The following ZNF366 variants were observed in gnomAD, a reference collection of about 807,000 sequenced individuals.
ZNF366 encodes dendritic cell-specific transcript protein.
ZNF366 carries 20 observed loss-of-function variants against 47.2 expected under a neutral mutation model. The observed-to-expected ratio is 0.42, with a 90% CI of 0.30 to 0.62. ZNF366 has a LOEUF of 0.62. Ranked by LOEUF, ZNF366 falls within the 20% of genes least tolerant of loss-of-function variation. The pLI, the probability that ZNF366 is intolerant of heterozygous loss-of-function variation, is 0.16. For missense variants in ZNF366, 987 were observed against 976.3 expected, an observed-to-expected ratio of 1.01 and a Z score of -0.15; for synonymous variants, 421 against 395.1, an observed-to-expected ratio of 1.07 and a Z score of -0.78.
chr5:72,479,382 G>C lies in ZNF366; in HGVS notation c.-14-17872C>G, dbSNP rs192520030. ...GTTTGAGACCAGCCTGGGCAACATA[G>C]GGAGACACTGTCTCTATTTATTAAA... On this transcript the variant is annotated intron_variant, in intron 1 of 4. Coordinates refer to ENST00000318442, the MANE Select transcript of ZNF366 (RefSeq NM_152625.3). 2.6e-5 allele frequency among the ~76,000 whole-genome samples: 4 copies of C among 151,654 alleles called. No homozygotes were observed. In the East Asian group the frequency reaches 7.8e-4, roughly 29 times the overall value.
intron 1 of ZNF366, among the ~76,000 whole-genome samples, chr5:72,487,878 C>G (rs1261033891): frequency 6.6e-6 from 1 of 152,096 alleles, no homozygotes; most frequent in Non-Finnish European, 1.5e-5. Flanking sequence ...ATATTTTTCT[C>G]CCCCATTAGA....
intron 3 of ZNF366, among the ~76,000 whole-genome samples, chr5:72,450,443 T>A (rs562531365): frequency 6.6e-6 from 1 of 152,292 alleles, no homozygotes; most frequent in East Asian, 1.9e-4. Flanking sequence ...TGCAGCCAAC[T>A]CAGTATCAAG....
chr5:72,461,254 G>T lies in ZNF366; in HGVS notation c.243C>A (p.Ser81Arg). Residue 81 changes from serine (S) to arginine (R), a missense_variant, in exon 2 of 5, where the codon AGC becomes AGA. By Grantham distance (110) the Ser-to-Arg change is moderately radical. Around this residue, in one of 3 missense-constraint regions of ZNF366, gnomAD observed 591 missense variants for 560.9 expected, o/e 1.05. Coordinates refer to ENST00000318442, the MANE Select transcript of ZNF366 (RefSeq NM_152625.3). ...GGTTATAGGGCATCTTTGTGGGCAT[G>T]CTCTTCCGTTTCCTAGACCCTGCTC... ...FEGAGSRKRK[S>R]MPTKMPYNHP... is the part of the protein sequence containing the mutation. 6.2e-7 allele frequency: 1 copy of T among 1,614,166 alleles called. No homozygotes were observed. The highest frequency in any genetic ancestry group is 8.5e-7 in the Non-Finnish European group (1 of 1,180,026).
chr5:72,501,939 C>G (rs933886183), intron 1 of ZNF366, among the ~76,000 whole-genome samples: 1 of 152,202 alleles, frequency 6.6e-6, no homozygotes, highest in East Asian at 1.9e-4. Flanking sequence ...ATGCACACAA[C>G]AGCAGAACAA....
chr5:72,467,817 T>G (rs1164071232), intron 1 of ZNF366, among the ~76,000 whole-genome samples: 1 of 152,146 alleles, frequency 6.6e-6, no homozygotes, highest in African/African-American at 2.4e-5. Context: ...GCAGTTTACT[T>G]ATGTGATGTA....
chr5:72,457,469 A>C (rs1403674885), intron 2 of ZNF366, among the ~76,000 whole-genome samples: 1 of 152,254 alleles, frequency 6.6e-6, no homozygotes, highest in African/African-American at 2.4e-5. Flanking sequence ...GAAGGTTATC[A>C]TAGGATTAGA....
At chr5:72,501,414 T>C (rs1744207908) in intron 1 of ZNF366, among the ~76,000 whole-genome samples, 1 of 152,232 alleles carries the variant, frequency 6.6e-6, no homozygotes, top group Non-Finnish European at 1.5e-5. Context: ...CCCAATGTTG[T>C]TAAATGTAAA....
chr5:72,503,485 A>G (rs28575551), intron 1 of ZNF366, among the ~76,000 whole-genome samples: 27,866 of 152,070 alleles, frequency 0.18, 2,753 homozygotes, highest in East Asian at 0.38. Flanking sequence ...CATGAAGTGG[A>G]CAGGGCAGGA....
intron 3 of ZNF366, among the ~76,000 whole-genome samples, chr5:72,449,619 A>G (rs1743024727): frequency 6.6e-6 from 1 of 152,198 alleles, no homozygotes; most frequent in East Asian, 1.9e-4. Flanking sequence ...CCTCATTTGG[A>G]TTGTGGGATG....
intron 1 of ZNF366, among the ~76,000 whole-genome samples, chr5:72,497,971 T>C (rs574199373): frequency 6.6e-6 from 1 of 152,324 alleles, no homozygotes; most frequent in East Asian, 1.9e-4. Context: ...TTGTGATACA[T>C]GTTGCAAATG....
In ZNF366 at chr5:72,441,457, T is replaced by G. The variant is rs993930675; in HGVS notation, c.*2299A>C. The G allele has an allele frequency of 3.9e-5, 6 of 152,212 alleles. No homozygotes were observed. The highest frequency in any genetic ancestry group is 1.4e-4 in the African/African-American group (6 of 41,442). 9.4% of individuals were successfully genotyped at this position (152,212 alleles called of 1,614,324 possible). A position where few individuals can be genotyped will look rare whatever the true frequency, so the allele number is the denominator to read the frequency against. ...GGAAGGGACTTGCCCCTCTGAGGAC[T>G]TGGAATGGGTTTTTGACCCAGAGTT... On this transcript the variant is annotated 3_prime_UTR_variant, in exon 5 of 5. Coordinates refer to ENST00000318442, the MANE Select transcript of ZNF366 (RefSeq NM_152625.3).
chr5:72,486,762 CTT>C (rs1040107606), intron 1 of ZNF366, among the ~76,000 whole-genome samples: 1 of 151,934 alleles, frequency 6.6e-6, no homozygotes, highest in Admixed American at 6.6e-5. Flanking sequence ...TGGCTTATAT[CTT>C]TGTTCTTTTA....
chr5:72,478,359 T>C (rs1197106430), intron 1 of ZNF366, among the ~76,000 whole-genome samples: 1 of 148,884 alleles, frequency 6.7e-6, no homozygotes, highest in Non-Finnish European at 1.5e-5. Context: ...CATTGTATCA[T>C]TTAATCCCTG....
chr5:72,444,363 A>G, intron 4 of ZNF366, 72 bp from the exon 5 acceptor site: 1 of 1,512,096 alleles, frequency 6.6e-7, no homozygotes, highest in South Asian at 1.3e-5. Flanking sequence ...GAAGGGGAGC[A>G]GCCCGGGGCC....
At chr5:72,492,525 A>G (rs1744033663) in intron 1 of ZNF366, among the ~76,000 whole-genome samples, 1 of 152,260 alleles carries the variant, frequency 6.6e-6, no homozygotes, top group South Asian at 2.1e-4. Context: ...GCCAGTGCTG[A>G]AACTCAGGAC....
intron 2 of ZNF366, among the ~76,000 whole-genome samples, chr5:72,458,401 G>T (rs2112325818): frequency 6.6e-6 from 1 of 152,282 alleles, no homozygotes. Flanking sequence ...GCTTATCACT[G>T]TTTTCAGAAT....
intron 1 of ZNF366, among the ~76,000 whole-genome samples, chr5:72,506,976 C>G (rs1463268181): frequency 6.6e-6 from 1 of 152,172 alleles, no homozygotes; most frequent in Admixed American, 6.5e-5. Context: ...TCCTGGTTCT[C>G]CCAGCCACAT....
chr5:72,443,477 CA>C lies in ZNF366; in HGVS notation c.*278del. 1 of 326,930 alleles carries C rather than the reference CA, an allele frequency of 3.1e-6. No homozygotes were observed. Among genetic ancestry groups the C allele is most frequent in the East Asian group, 5.5e-5 (1 of 18,230 alleles). The allele number at this position is 326,930 out of a possible 1,614,324, so 20.3% of individuals were successfully genotyped here. ...AGAATTTCTAAAAGCACCTCAGCAT[CA>C]GCTTACAATTAGATATCTGGAAGAA... On this transcript the variant is annotated 3_prime_UTR_variant, in exon 5 of 5. Transcript: ENST00000318442.
chr5:72,476,906 T>C (rs758518087), intron 1 of ZNF366, among the ~76,000 whole-genome samples: 2 of 151,992 alleles, frequency 1.3e-5, no homozygotes, highest in Non-Finnish European at 2.9e-5. Context: ...TGCATGACTA[T>C]GATACTTCTG....
Sources: gnomAD v4.1 joint callset for allele counts (sites outside exome capture counted in the v4.1 genomes callset) on GRCh38, gnomAD v4.1.1 for gene constraint, gnomAD v4.1.1 regional missense constraint, MANE v1.5 for transcripts, NCBI Gene and HGNC (gene_info 2026-07-23, HGNC 2026-07-21) for gene names.